Variants in USP6NL observed in about 807,000 individuals in gnomAD.
The protein encoded by USP6NL is USP6 N-terminal like, also known as USP6 N-terminal-like protein.
USP6NL carries 26 observed loss-of-function variants against 61.9 expected under a neutral mutation model. The ratio of observed to expected loss-of-function variants is 0.42; its 90% confidence interval spans 0.31 to 0.58. The LOEUF (loss-of-function observed/expected upper bound fraction) is 0.58, where lower values mean the gene tolerates loss of function less well. USP6NL is among the 20% of genes least tolerant of loss of function. The pLI is 0.16. For missense variants in USP6NL, 1,114 were observed against 1,034.3 expected (o/e 1.08, Z -1.06); for synonymous variants, 432 against 390.1 (o/e 1.11, Z -1.27).
chr10:11,584,205 C>A (rs1196283324), intron 2 of USP6NL, among the ~76,000 whole-genome samples: 3 of 152,184 alleles, frequency 2.0e-5, no homozygotes, highest in Non-Finnish European at 4.4e-5. Flanking sequence ...CAGAGCAAGA[C>A]CCTGTTCCCA....
In USP6NL at chr10:11,462,874, T is replaced by A; in HGVS notation, c.2054A>T (p.Tyr685Phe). Residue 685 changes from tyrosine to phenylalanine, a missense_variant, in exon 15 of 15, where the codon TAC becomes TTC. Tyr to Phe is a conservative substitution (Grantham distance 22, BLOSUM62 3). Coordinates refer to ENST00000609104, the MANE Select transcript of USP6NL (RefSeq NM_014688.5). ...LSVSASPEKSYSRPSPLVLPS... is the reference protein window; with the variant it reads ...LSVSASPEKSFSRPSPLVLPS... ...CAGTACAAGGGGGCTTGGGCGGCTG[T>A]AAGATTTCTCCGGAGAAGCACTGAC... 1 of 1,613,814 alleles carries A rather than the reference T, an allele frequency of 6.2e-7. No homozygotes were observed. Among genetic ancestry groups the A allele is most frequent in the East Asian group, 2.2e-5 (1 of 44,876 alleles).
chr10:11,528,904 G>A lies in USP6NL; in HGVS notation c.5-1337C>T, dbSNP rs545819612. Reference sequence around the variant, plus strand: ...TGTGTAGCAGAGCCGGGTGCAGGGTGGAAAACCAAACCCTCATTCTCCAAA... The same window carrying A: ...TGTGTAGCAGAGCCGGGTGCAGGGTAGAAAACCAAACCCTCATTCTCCAAA... On this transcript the variant is annotated intron_variant, in intron 2 of 14. Coordinates refer to ENST00000609104, the MANE Select transcript of USP6NL (RefSeq NM_014688.5). The surrounding 1 kb of genome is among the most constrained non-coding windows in gnomAD (Gnocchi z 4.6). 7.2e-5 allele frequency among the ~76,000 whole-genome samples: 11 copies of A among 152,236 alleles called. No individual in the cohort carries two copies. Among genetic ancestry groups the A allele is most frequent in the African/African-American group, 2.2e-4 (9 of 41,534 alleles).
rs1838487041 is a variant in USP6NL, at chr10:11,600,579, T to A, written c.-83-2862A>T. On this transcript the variant is annotated intron_variant, in intron 1 of 14. Transcript: ENST00000609104. This position sits in a 1 kb window ranked among gnomAD's most constrained non-coding sequence, Gnocchi z 4.1. Reference sequence around the variant, plus strand: ...GTAATTTTAAATTCAAATTTAAAAATTTTCTAGTTAAAAAGACTATTTTAA... The same window carrying A: ...GTAATTTTAAATTCAAATTTAAAAAATTTCTAGTTAAAAAGACTATTTTAA... Among the ~76,000 whole-genome samples the A allele has an allele frequency of 6.6e-6, 1 of 152,168 alleles. No homozygotes were observed. Among genetic ancestry groups the A allele is most frequent in the Admixed American group, 6.5e-5 (1 of 15,278 alleles).
At chr10:11,501,895 A>T (rs942050643) in intron 6 of USP6NL, among the ~76,000 whole-genome samples, 1 of 152,264 alleles carries the variant, frequency 6.6e-6, no homozygotes, top group East Asian at 1.9e-4. Context: ...ATGCTATCTG[A>T]TAAGACAAAA....
At chr10:11,583,650 A>C (rs535238327) in intron 2 of USP6NL, among the ~76,000 whole-genome samples, 1 of 152,342 alleles carries the variant, frequency 6.6e-6, no homozygotes, top group Admixed American at 6.5e-5. Flanking sequence ...CAAAATCAAA[A>C]ATTCAAGAAA....
At position 11,553,964 on chromosome 10, in the gene USP6NL, T is replaced by C. The variant is rs1249135498; in HGVS notation, c.5-26397A>G. Among the ~76,000 whole-genome samples the C allele has an allele frequency of 6.6e-6, 1 of 151,696 alleles. No homozygotes were observed. Among genetic ancestry groups the C allele is most frequent in the Admixed American group, 6.6e-5 (1 of 15,230 alleles). On this transcript the variant is annotated intron_variant, in intron 2 of 14. Transcript: ENST00000609104. This position sits in a 1 kb window ranked among gnomAD's most constrained non-coding sequence, Gnocchi z 4.8. ...TCCTGATGTCTAAGAAATCTAGATATAAGTCATCCAGGTCTGATATGGGGA... is the reference window on the plus strand; with the variant it reads ...TCCTGATGTCTAAGAAATCTAGATACAAGTCATCCAGGTCTGATATGGGGA...
chr10:11,533,652 A>G (rs773757102), intron 2 of USP6NL, among the ~76,000 whole-genome samples: 1 of 152,194 alleles, frequency 6.6e-6, no homozygotes, highest in African/African-American at 2.4e-5. Context: ...TAGTGGCTCC[A>G]GAAGGAACCA....
chr10:11,541,467 C>G (rs1415001534), intron 2 of USP6NL, among the ~76,000 whole-genome samples: 1 of 151,726 alleles, frequency 6.6e-6, no homozygotes, highest in East Asian at 1.9e-4. Flanking sequence ...GGTAGGTTAA[C>G]TGCAAAGATC....
intron 6 of USP6NL, among the ~76,000 whole-genome samples, chr10:11,503,182 G>A (rs1799163683): frequency 6.6e-6 from 1 of 152,186 alleles, no homozygotes; most frequent in Admixed American, 6.5e-5. Flanking sequence ...AGAAATCACT[G>A]CAAATGCTAA....
In USP6NL at chr10:11,511,267, A is replaced by G. The variant is rs1834703932; in HGVS notation, c.196-1592T>C. ...TATAATTCGTATTTTTCAAAAGGCT[A>G]AGTATATTTTCCTCATTATATTATT... On this transcript the variant is annotated intron_variant, in intron 5 of 14. Transcript: ENST00000609104. This position sits in a 1 kb window ranked among gnomAD's most constrained non-coding sequence, Gnocchi z 4.9. 6.6e-6 allele frequency among the ~76,000 whole-genome samples: 1 copy of G among 152,202 alleles called. No homozygotes were observed. Among genetic ancestry groups the G allele is most frequent in the Non-Finnish European group, 1.5e-5 (1 of 68,034 alleles).
intron 1 of USP6NL, among the ~76,000 whole-genome samples, chr10:11,601,252 T>C (rs1838519876): frequency 6.6e-6 from 1 of 152,122 alleles, no homozygotes; most frequent in Non-Finnish European, 1.5e-5. Context: ...TGTACACACA[T>C]ACACACACAC....
rs1410204586 is a variant in USP6NL, at chr10:11,532,546, C to T, written c.5-4979G>A. Among the ~76,000 whole-genome samples the T allele has an allele frequency of 6.6e-6, 1 of 152,176 alleles. No homozygotes were observed. Among genetic ancestry groups the T allele is most frequent in the African/African-American group, 2.4e-5 (1 of 41,432 alleles). The stretch of plus-strand genomic sequence containing the variant: ...CAACTATGAGGCACACCAGCCTACA[C>T]CAGCATTCCATCCGCTAACAAACAG... On this transcript the variant is annotated intron_variant, in intron 2 of 14. Coordinates refer to ENST00000609104, the MANE Select transcript of USP6NL (RefSeq NM_014688.5). The surrounding 1 kb of genome is among the most constrained non-coding windows in gnomAD (Gnocchi z 4.1).
chr10:11,607,039 C>T (rs1441483508), intron 1 of USP6NL, among the ~76,000 whole-genome samples: 1 of 152,152 alleles, frequency 6.6e-6, no homozygotes, highest in Admixed American at 6.5e-5. Context: ...ATCCACCCAC[C>T]TGGCCCTCCA....
rs1011760483 is a variant in USP6NL at position 11,537,173 on chromosome 10, C to T, written c.5-9606G>A. Reference sequence around the variant, plus strand: ...CCGCCCAGACTGGAGTGCAGTGGCACGATCACAGTTCACTGCAGCGTCAAT... The same window carrying T: ...CCGCCCAGACTGGAGTGCAGTGGCATGATCACAGTTCACTGCAGCGTCAAT... On this transcript the variant is annotated intron_variant, in intron 2 of 14. Coordinates refer to ENST00000609104, the MANE Select transcript of USP6NL (RefSeq NM_014688.5). This position sits in a 1 kb window ranked among gnomAD's most constrained non-coding sequence, Gnocchi z 5.1. Among the ~76,000 whole-genome samples, 3 of 152,050 alleles carry T rather than the reference C, an allele frequency of 2.0e-5. No homozygotes were observed. The highest frequency in any genetic ancestry group is 2.9e-5 in the Non-Finnish European group (2 of 68,006).
intron 7 of USP6NL, among the ~76,000 whole-genome samples, chr10:11,493,497 G>C (rs989489610): frequency 6.6e-6 from 1 of 152,008 alleles, no homozygotes; most frequent in African/African-American, 2.4e-5. Context: ...ATTTAGGATA[G>C]AGAACTTTTC....
intron 7 of USP6NL, among the ~76,000 whole-genome samples, chr10:11,497,411 CA>C (rs11307707): frequency 0.42 from 44,122 of 105,568 alleles, 6,539 homozygotes; most frequent in East Asian, 0.63. Context: ...GACTCAGTCT[CA>C]AAAAAAAAAA....
intron 2 of USP6NL, among the ~76,000 whole-genome samples, chr10:11,549,355 A>G (rs1836403768): frequency 1.3e-5 from 2 of 152,182 alleles, no homozygotes; most frequent in Non-Finnish European, 2.9e-5. Flanking sequence ...AGGCCTATCT[A>G]GTTATTATTG....
At chr10:11,471,025 A>G (rs1832720570) in intron 14 of USP6NL, among the ~76,000 whole-genome samples, 1 of 152,108 alleles carries the variant, frequency 6.6e-6, no homozygotes, top group Non-Finnish European at 1.5e-5. Flanking sequence ...CTCTACTAAA[A>G]ACACAAAAAA....
chr10:11,512,405 C>CA (rs1834759254), intron 5 of USP6NL, among the ~76,000 whole-genome samples: 1 of 152,154 alleles, frequency 6.6e-6, no homozygotes, highest in Admixed American at 6.5e-5. Context: ...TTCAGGTAAT[C>CA]AGAGTTCCTA....
Sources: allele counts gnomAD v4.1 joint callset (sites outside exome capture counted in the v4.1 genomes callset), GRCh38; gene constraint gnomAD v4.1.1; non-coding constraint Gnocchi (gnomAD v3.1); transcripts MANE v1.5; gene names NCBI Gene and HGNC (gene_info 2026-07-23, HGNC 2026-07-21).